SLC71A1: variants seen among roughly 807,000 people sequenced by gnomAD.
The protein encoded by SLC71A1 is solute carrier family 71 member 1.
At chr1:100,055,416 A>G in the SLC71A1 span, among the ~76,000 whole-genome samples, 1 of 151,354 alleles carries the variant, frequency 6.6e-6, no homozygotes, top group African/African-American at 2.4e-5. Context: ...CCTTTTCACA[A>G]GTATGTTGAA....
the SLC71A1 span, among the ~76,000 whole-genome samples, chr1:100,073,129 C>T: frequency 1.1e-4 from 16 of 152,130 alleles, no homozygotes; most frequent in African/African-American, 3.9e-4. Flanking sequence ...TTACATTCAG[C>T]CCATCAAATG....
At chr1:100,080,584 T>C in the SLC71A1 span, 7 of 1,613,954 alleles carry the variant, frequency 4.3e-6, no homozygotes, top group African/African-American at 4.0e-5. Context: ...ACATATTCCA[T>C]GTGGAACTTA....
chr1:100,074,008 G>A, the SLC71A1 span, among the ~76,000 whole-genome samples: 1 of 152,144 alleles, frequency 6.6e-6, no homozygotes. Context: ...CACTTATTAA[G>A]AACTTACTGG....
chr1:100,077,410 T>TATA, the SLC71A1 span: 2 of 589,492 alleles, frequency 3.4e-6, no homozygotes, highest in South Asian at 4.6e-5. Flanking sequence ...ATGTGTCTAA[T>TATA]ATAAGTCTGC....
the SLC71A1 span, among the ~76,000 whole-genome samples, chr1:100,046,611 A>G: frequency 1.2e-4 from 19 of 152,286 alleles, 1 homozygote; most frequent in Admixed American, 1.0e-3. Flanking sequence ...AAAAGAAAAA[A>G]TTCTGTGAGG....
the SLC71A1 span, chr1:100,059,743 G>A: frequency 3.0e-6 from 2 of 672,638 alleles, no homozygotes; most frequent in South Asian, 5.8e-5. Flanking sequence ...ATAAGCAATT[G>A]TTTATTTAAA....
At chr1:100,056,303 A>G in the SLC71A1 span, among the ~76,000 whole-genome samples, 13 of 152,348 alleles carry the variant, frequency 8.5e-5, no homozygotes, top group Admixed American at 6.5e-4. Flanking sequence ...TTCACTTAAC[A>G]TAATGACCTC....
At chr1:100,063,750 C>T in the SLC71A1 span, among the ~76,000 whole-genome samples, 7 of 152,108 alleles carry the variant, frequency 4.6e-5, no homozygotes, top group Non-Finnish European at 8.8e-5. Context: ...GAGCCGTGAT[C>T]GCACCACTGC....
chr1:100,058,652 T>A, the SLC71A1 span: 5 of 1,422,338 alleles, frequency 3.5e-6, no homozygotes, highest in Non-Finnish European at 4.9e-6. Flanking sequence ...TTTATTTTGG[T>A]TTTTATTCTT....
the SLC71A1 span, among the ~76,000 whole-genome samples, chr1:100,045,163 A>G: frequency 2.0e-5 from 3 of 152,058 alleles, no homozygotes; most frequent in African/African-American, 7.2e-5. Flanking sequence ...TGTGTCATTT[A>G]TGATTTCTTT....
chr1:100,076,236 T>C, the SLC71A1 span, among the ~76,000 whole-genome samples: 1 of 152,234 alleles, frequency 6.6e-6, no homozygotes, highest in African/African-American at 2.4e-5. Context: ...TCAAAACTTA[T>C]ATTTTATGAG....
chr1:100,082,539 G>T, the SLC71A1 span: 2 of 283,298 alleles, frequency 7.1e-6, no homozygotes, highest in Non-Finnish European at 1.4e-5. Context: ...TCCTTAAGGT[G>T]TTGAGCTTTA....
chr1:100,068,214 C>G, the SLC71A1 span: 1 of 1,589,474 alleles, frequency 6.3e-7, no homozygotes, highest in Non-Finnish European at 8.6e-7. Flanking sequence ...ATACTTTTTC[C>G]TTCTCCTTGA....
chr1:100,047,197 C>T, the SLC71A1 span, among the ~76,000 whole-genome samples: 241 of 152,304 alleles, frequency 1.6e-3, no homozygotes, highest in Admixed American at 3.2e-3. Flanking sequence ...CTGTGTCTGT[C>T]ATATATGGCT....
At chr1:100,052,688 C>T in the SLC71A1 span, among the ~76,000 whole-genome samples, 2 of 151,908 alleles carry the variant, frequency 1.3e-5, no homozygotes, top group Non-Finnish European at 2.9e-5. Flanking sequence ...CCTTGGCCTC[C>T]CAAAGTGCTG....
At chr1:100,045,560 G>T in the SLC71A1 span, among the ~76,000 whole-genome samples, 1 of 152,090 alleles carries the variant, frequency 6.6e-6, no homozygotes, top group African/African-American at 2.4e-5. Context: ...AGTAGATACA[G>T]ATATTTATCA....
the SLC71A1 span, chr1:100,068,423 A>G: frequency 4.8e-6 from 6 of 1,243,656 alleles, no homozygotes; most frequent in East Asian, 6.9e-5. Context: ...AGAATAGTTC[A>G]GTGGTTTTGA....
the SLC71A1 span, chr1:100,068,179 A>G: frequency 1.2e-6 from 2 of 1,614,026 alleles, no homozygotes; most frequent in African/African-American, 1.3e-5. Flanking sequence ...TCCTGGGAAC[A>G]AGCTGACCCT....
chr1:100,045,796 C>T, the SLC71A1 span, among the ~76,000 whole-genome samples: 15 of 150,034 alleles, frequency 1.0e-4, no homozygotes, highest in East Asian at 4.0e-4. Flanking sequence ...GCCTGGGTGA[C>T]GGGGAGACTC....
Sources: allele counts gnomAD v4.1 joint callset (sites outside exome capture counted in the v4.1 genomes callset), GRCh38; gene constraint gnomAD v4.1.1; transcripts MANE v1.5; gene names NCBI Gene and HGNC (gene_info 2026-07-23, HGNC 2026-07-21).